The following TYW1B variants were observed in gnomAD, a reference collection of about 807,000 sequenced individuals.
TYW1B encodes S-adenosyl-L-methionine-dependent tRNA 4-demethylwyosine synthase TYW1B.
Under a neutral mutation model 86.9 loss-of-function variants are expected in TYW1B, and 73 were observed. The observed-to-expected ratio is 0.84, with a 90% CI of 0.70 to 1.02. TYW1B has a LOEUF of 1.02. Ranked by LOEUF, TYW1B falls within the 50% of genes least tolerant of loss-of-function variation. The pLI, the probability that TYW1B is intolerant of heterozygous loss-of-function variation, is 0.00. For missense variants in TYW1B, 637 were observed against 827.4 expected (o/e 0.77, Z 2.82); for synonymous variants, 248 against 292.8 (o/e 0.85, Z 1.56).
chr7:72,734,087 T>A (rs782646560), intron 8 of TYW1B, among the ~76,000 whole-genome samples: 1 of 151,370 alleles, frequency 6.6e-6, no homozygotes, highest in South Asian at 2.1e-4. Context: ...TGAAACCCCA[T>A]CTCTAATAAA....
chr7:72,801,372 T>G (rs1447311152), intron 6 of TYW1B, among the ~76,000 whole-genome samples: 1 of 152,140 alleles, frequency 6.6e-6, no homozygotes, highest in Admixed American at 6.6e-5. Flanking sequence ...TTATTGATCC[T>G]TTATGTAGCT....
intron 13 of TYW1B, among the ~76,000 whole-genome samples, chr7:72,601,709 C>T (rs1313380714): frequency 2.3e-5 from 3 of 128,244 alleles, no homozygotes; most frequent in African/African-American, 9.1e-5. Flanking sequence ...GCTATCAAGC[C>T]AGGAAAATGC....
chr7:72,632,959 T>C (rs1812578813), intron 11 of TYW1B, among the ~76,000 whole-genome samples: 2 of 152,032 alleles, frequency 1.3e-5, no homozygotes, highest in African/African-American at 2.4e-5. Flanking sequence ...CAGGACTTGT[T>C]TTCTGGTCAC....
intron 10 of TYW1B, among the ~76,000 whole-genome samples, chr7:72,695,159 C>A (rs1230318206): frequency 2.0e-5 from 3 of 152,190 alleles, no homozygotes; most frequent in Non-Finnish European, 2.9e-5. Context: ...TAGAGGGGCT[C>A]TCTGATCTAA....
chr7:72,799,471 C>CT (rs1438112550), intron 6 of TYW1B, among the ~76,000 whole-genome samples: 82 of 146,744 alleles, frequency 5.6e-4, no homozygotes, highest in Non-Finnish European at 6.5e-4. Flanking sequence ...TCAGGTCTGC[C>CT]TTTTTTTCTT....
chr7:72,623,967 A>G (rs2960926), intron 12 of TYW1B, among the ~76,000 whole-genome samples: 23,249 of 151,900 alleles, frequency 0.15, 2,426 homozygotes, highest in East Asian at 0.56. Context: ...ACACCCAGCT[A>G]ATTTTTGTAT....
At chr7:72,740,845 C>T (rs1300654443) in intron 8 of TYW1B, among the ~76,000 whole-genome samples, 5 of 151,820 alleles carry the variant, frequency 3.3e-5, no homozygotes, top group Admixed American at 2.0e-4. Flanking sequence ...ATTCTCCTGC[C>T]TCAGCCTCCC....
chr7:72,637,043 G>A (rs1251562438), intron 11 of TYW1B, among the ~76,000 whole-genome samples: 3 of 152,116 alleles, frequency 2.0e-5, no homozygotes, highest in Admixed American at 6.6e-5. Flanking sequence ...GGGCGTGATT[G>A]AGCCCAGGAG....
At chr7:72,712,249 G>GC (rs1786682406) in intron 10 of TYW1B, among the ~76,000 whole-genome samples, 1 of 151,996 alleles carries the variant, frequency 6.6e-6, no homozygotes, top group Non-Finnish European at 1.5e-5. Context: ...GGAACCCTCG[G>GC]TGTAATTACC....
rs187552950 is a variant in TYW1B at position 72,719,250 on chromosome 7, T to C, written c.1193-5452A>G. ...GCAGCCTCAATCTCCTGGGCTCAGG[T>C]GACCCTCCCGCCTCTGCCTCCTCAG... On this transcript the variant is annotated intron_variant, in intron 9 of 13. Coordinates refer to ENST00000620995, the MANE Select transcript of TYW1B (RefSeq NM_001145440.3). 7.6e-4 allele frequency among the ~76,000 whole-genome samples: 116 copies of C among 151,900 alleles called. 1 individual carries two copies. The highest frequency in any genetic ancestry group is 2.5e-3 in the African/African-American group (104 of 41,422).
chr7:72,623,629 G>C (rs1414708715), intron 12 of TYW1B, among the ~76,000 whole-genome samples: 1 of 152,120 alleles, frequency 6.6e-6, no homozygotes, highest in African/African-American at 2.4e-5. Context: ...CCAGCTCCAA[G>C]AGTGTCTCCC....
intron 6 of TYW1B, among the ~76,000 whole-genome samples, chr7:72,786,573 CTTTTTTTTTTTT>C (rs10630508): frequency 4.7e-5 from 5 of 107,460 alleles, no homozygotes; most frequent in African/African-American, 1.7e-4. Context: ...ATTCTTTTTT[CTTTTTTTTTTTT>C]TTTTTTTTGA....
At position 72,720,285 on chromosome 7, in the gene TYW1B, G is replaced by A. The variant is rs537188494; in HGVS notation, c.1193-6487C>T. 3.9e-5 allele frequency among the ~76,000 whole-genome samples: 6 copies of A among 152,254 alleles called. No homozygotes were observed. The South Asian group carries it at 1.0e-3, about 26-fold the overall frequency. ...CTAACAGGACAGGGAGGAGGACCAC[G>A]GACTGAGTCCTACAACACTCACAGT... On this transcript the variant is annotated intron_variant, in intron 9 of 13. Coordinates refer to ENST00000620995, the MANE Select transcript of TYW1B (RefSeq NM_001145440.3).
intron 11 of TYW1B, among the ~76,000 whole-genome samples, chr7:72,633,116 C>T (rs1488812347): frequency 2.0e-5 from 3 of 152,238 alleles, no homozygotes; most frequent in Non-Finnish European, 4.4e-5. Context: ...TTACAAATGC[C>T]ATGCAACAAC....
At chr7:72,704,953 A>G (rs1554453376) in intron 10 of TYW1B, among the ~76,000 whole-genome samples, 1 of 152,140 alleles carries the variant, frequency 6.6e-6, no homozygotes, top group African/African-American at 2.4e-5. Context: ...ATGAATTCAA[A>G]GACAGGAGAG....
At chr7:72,791,265 AG>A (rs1307162202) in intron 6 of TYW1B, among the ~76,000 whole-genome samples, 1 of 151,902 alleles carries the variant, frequency 6.6e-6, no homozygotes, top group African/African-American at 2.4e-5. Flanking sequence ...TTGGGGAGGG[AG>A]GGGGAGTTGG....
chr7:72,756,198 ATTTTT>A (rs1172511484), intron 7 of TYW1B, among the ~76,000 whole-genome samples: 16 of 105,536 alleles, frequency 1.5e-4, no homozygotes, highest in African/African-American at 5.1e-4. Flanking sequence ...CCAGTTTATT[ATTTTT>A]TTATTTTATT....
intron 11 of TYW1B, among the ~76,000 whole-genome samples, chr7:72,649,986 T>C (rs1813020053): frequency 6.6e-6 from 1 of 151,860 alleles, no homozygotes; most frequent in African/African-American, 2.4e-5. Context: ...GCCTGCCAGG[T>C]TCATGCCATT....
chr7:72,800,423 T>C (rs1788384788), intron 6 of TYW1B, among the ~76,000 whole-genome samples: 2 of 151,978 alleles, frequency 1.3e-5, no homozygotes, highest in South Asian at 4.2e-4. Flanking sequence ...GGTCCCAAAC[T>C]TCTGGCCTCA....
Sources: allele counts gnomAD v4.1 joint callset (sites outside exome capture counted in the v4.1 genomes callset), GRCh38; gene constraint gnomAD v4.1.1; transcripts MANE v1.5; gene names NCBI Gene and HGNC (gene_info 2026-07-23, HGNC 2026-07-21).